Variants in AP3B1 observed in about 807,000 individuals in gnomAD.
The protein encoded by AP3B1 is adaptor related protein complex 3 subunit beta 1.
In AP3B1, 61 loss-of-function variants were observed where a neutral mutation model predicts 132.5. That is an observed-to-expected ratio of 0.46 (90% confidence interval 0.37 to 0.57). AP3B1 has a LOEUF of 0.57. Among genes scored for constraint, AP3B1 ranks in the 20% least tolerant of loss-of-function variants. The pLI is 0.00. For missense variants in AP3B1, 1,120 were observed against 1,289.4 expected (o/e 0.87, Z 2.01); for synonymous variants, 388 against 438.3 (o/e 0.89, Z 1.43).
At chr5:78,033,094 A>C (rs1214170597) in intron 24 of AP3B1, among the ~76,000 whole-genome samples, 1 of 152,096 alleles carries the variant, frequency 6.6e-6, no homozygotes, top group Non-Finnish European at 1.5e-5. Flanking sequence ...TTTAGTTCTT[A>C]ATTTTGGTCT....
chr5:78,063,496 T>G (rs1291224725), intron 22 of AP3B1, among the ~76,000 whole-genome samples: 1 of 152,190 alleles, frequency 6.6e-6, no homozygotes, highest in Non-Finnish European at 1.5e-5. Context: ...GAGGAACAAT[T>G]TCCACAGCCT....
chr5:78,233,989 C>A (rs1297347535), intron 3 of AP3B1, among the ~76,000 whole-genome samples: 1 of 152,050 alleles, frequency 6.6e-6, no homozygotes, highest in East Asian at 1.9e-4. Flanking sequence ...ATAATATATA[C>A]ATTTATAAAA....
rs1407845134 is a variant in AP3B1 at position 78,122,883 on chromosome 5, C to T, written c.1968+5147G>A. Among the ~76,000 whole-genome samples, 6 of 152,162 alleles carry T rather than the reference C, an allele frequency of 3.9e-5. No individual in the cohort carries two copies. The East Asian group carries it at 5.8e-4, about 15-fold the overall frequency. On this transcript the variant is annotated intron_variant, in intron 17 of 26. Coordinates refer to ENST00000255194, the MANE Select transcript of AP3B1 (RefSeq NM_003664.5). ...TATGGAACCAAGAAAGAGTCCGCAT[C>T]GCCAAGTCAATCCTAAGCCAAAAGA... is the stretch of plus-strand genomic sequence containing the variant.
intron 4 of AP3B1, 114 bp from the exon 5 acceptor site, chr5:78,227,646 A>AAGCT (rs1343136304): frequency 1.0e-5 from 10 of 967,428 alleles, no homozygotes; most frequent in Non-Finnish European, 1.6e-5. Flanking sequence ...TAGCAAAAGA[A>AAGCT]AGCTACTTAA....
intron 11 of AP3B1, among the ~76,000 whole-genome samples, chr5:78,171,887 G>A (rs1743933868): frequency 1.3e-5 from 2 of 152,100 alleles, no homozygotes; most frequent in African/African-American, 4.8e-5. Context: ...GTCATAAATA[G>A]CTCTTATTAT....
intron 7 of AP3B1, among the ~76,000 whole-genome samples, chr5:78,185,594 T>A (rs1744572104): frequency 6.6e-6 from 1 of 152,132 alleles, no homozygotes; most frequent in South Asian, 2.1e-4. Flanking sequence ...AGAGATATAT[T>A]CGTGCTTTGG....
At chr5:78,233,527 G>A (rs1190178649) in intron 3 of AP3B1, among the ~76,000 whole-genome samples, 7 of 152,152 alleles carry the variant, frequency 4.6e-5, no homozygotes, top group South Asian at 4.1e-4. Context: ...GAGCCACCAC[G>A]CCCAGCCCAG....
chr5:78,223,872 G>GT (rs1293878536), intron 6 of AP3B1, among the ~76,000 whole-genome samples: 2 of 152,222 alleles, frequency 1.3e-5, no homozygotes, highest in Non-Finnish European at 2.9e-5. Context: ...ATGATATGCT[G>GT]TATCCTGTCT....
chr5:78,011,898 A>G (rs770178321), intron 26 of AP3B1, among the ~76,000 whole-genome samples: 30 of 152,198 alleles, frequency 2.0e-4, no homozygotes, highest in Non-Finnish European at 3.5e-4. Context: ...CCTCTCAGAA[A>G]GAAAAGATCC....
At chr5:78,074,974 T>C (rs1169069171) in intron 22 of AP3B1, among the ~76,000 whole-genome samples, 1 of 152,202 alleles carries the variant, frequency 6.6e-6, no homozygotes, top group African/African-American at 2.4e-5. Flanking sequence ...AGAAAAACTT[T>C]ATCATATAAT....
At chr5:78,117,959 T>C (rs1332076897) in intron 17 of AP3B1, among the ~76,000 whole-genome samples, 2 of 152,212 alleles carry the variant, frequency 1.3e-5, no homozygotes, top group African/African-American at 4.8e-5. Context: ...GTGCAAGTCT[T>C]TGCTAGAGTA....
chr5:78,095,028 C>G (rs552429157), intron 21 of AP3B1, among the ~76,000 whole-genome samples: 1 of 152,180 alleles, frequency 6.6e-6, no homozygotes, highest in African/African-American at 2.4e-5. Context: ...TTTGATACCG[C>G]TAGGTGGATT....
Position 78,225,437 on chromosome 5 carries a change from C to T in AP3B1, c.603+105G>A, listed in dbSNP as rs565156694. 1.2e-4 allele frequency: 74 copies of T among 613,572 alleles called. No individual in the cohort carries two copies. The African/African-American group carries it at 1.2e-3, about 10-fold the overall frequency. 38.0% of individuals were successfully genotyped at this position (613,572 alleles called of 1,614,324 possible). A position where few individuals can be genotyped will look rare whatever the true frequency, so the allele number is the denominator to read the frequency against. On this transcript the variant is annotated intron_variant, in intron 6 of 26. Coordinates refer to ENST00000255194, the MANE Select transcript of AP3B1 (RefSeq NM_003664.5). ...TCCTGTGTGCCATTAATATTTATAC[C>T]ATTTTGAAATCAATAAATACAACTA... is the stretch of plus-strand genomic sequence containing the variant.
At chr5:78,032,646 T>C (rs911420160) in intron 24 of AP3B1, among the ~76,000 whole-genome samples, 2 of 151,926 alleles carry the variant, frequency 1.3e-5, no homozygotes, top group African/African-American at 4.8e-5. Flanking sequence ...TGCTTCAGGA[T>C]CAATTACATT....
At chr5:78,217,977 A>G (rs2112479457) in intron 6 of AP3B1, among the ~76,000 whole-genome samples, 1 of 152,216 alleles carries the variant, frequency 6.6e-6, no homozygotes, top group Non-Finnish European at 1.5e-5. Flanking sequence ...AATTCATTAA[A>G]CCAAGAGCTA....
chr5:78,163,833 T>C (rs1192188199), intron 12 of AP3B1, among the ~76,000 whole-genome samples: 1 of 151,804 alleles, frequency 6.6e-6, no homozygotes, highest in Non-Finnish European at 1.5e-5. Context: ...TACAGAAATA[T>C]ACACACTTTG....
intron 15 of AP3B1, among the ~76,000 whole-genome samples, chr5:78,132,471 A>G (rs1752731297): frequency 6.6e-6 from 1 of 152,226 alleles, no homozygotes; most frequent in Non-Finnish European, 1.5e-5. Context: ...TTTGAAAACC[A>G]GCAGTGTTGG....
chr5:78,045,530 T>G (rs919681977), intron 22 of AP3B1, among the ~76,000 whole-genome samples: 1 of 151,954 alleles, frequency 6.6e-6, no homozygotes, highest in African/African-American at 2.4e-5. Context: ...ATAAACCGAG[T>G]GGGTTCCATA....
At chr5:78,021,190 TTAAGA>T (rs1199551857) in intron 24 of AP3B1, among the ~76,000 whole-genome samples, 18 of 152,106 alleles carry the variant, frequency 1.2e-4, no homozygotes, top group South Asian at 2.1e-4. Context: ...TCTGAAACAG[TTAAGA>T]TATCTTTTTA....
Sources: allele counts gnomAD v4.1 joint callset (sites outside exome capture counted in the v4.1 genomes callset), GRCh38; gene constraint gnomAD v4.1.1; transcripts MANE v1.5; gene names NCBI Gene and HGNC (gene_info 2026-07-23, HGNC 2026-07-21).